The following PDLIM5 variants were observed in gnomAD, a reference collection of about 807,000 sequenced individuals.
PDLIM5 encodes the protein PDZ and LIM domain protein 5.
In PDLIM5, 34 loss-of-function variants were observed where a neutral mutation model predicts 64.2. The ratio of observed to expected loss-of-function variants is 0.53; its 90% CI spans 0.40 to 0.71. PDLIM5 has a LOEUF of 0.71. Ranked by LOEUF, PDLIM5 falls within the 30% of genes least tolerant of loss-of-function variation. The pLI, the probability that PDLIM5 is intolerant of heterozygous loss-of-function variation, is 0.00. For synonymous variants in PDLIM5, 253 were observed against 269.1 expected (o/e 0.94, Z 0.59); for missense variants, 683 against 733.6 (o/e 0.93, Z 0.80).
At chr4:94,587,097 C>T (rs1016784311) in intron 7 of PDLIM5, 1 of 1,598,866 alleles carries the variant, frequency 6.3e-7, no homozygotes, top group African/African-American at 1.4e-5. Context: ...TGAGCCTTGC[C>T]CCCCAAGCAG....
intron 7 of PDLIM5, among the ~76,000 whole-genome samples, chr4:94,602,961 A>G (rs1357959831): frequency 6.6e-6 from 1 of 152,202 alleles, no homozygotes; most frequent in Non-Finnish European, 1.5e-5. Flanking sequence ...ATTATTAACA[A>G]ATGATTTACA....
intron 2 of PDLIM5, among the ~76,000 whole-genome samples, chr4:94,469,640 C>T (rs950983937): frequency 1.3e-5 from 2 of 152,070 alleles, no homozygotes; most frequent in African/African-American, 2.4e-5. Flanking sequence ...AGGACAACTC[C>T]TGGGGATTTT....
At chr4:94,542,044 G>A (rs924438915) in intron 3 of PDLIM5, among the ~76,000 whole-genome samples, 2 of 152,178 alleles carry the variant, frequency 1.3e-5, no homozygotes, top group Non-Finnish European at 2.9e-5. Context: ...GGGCATGGTG[G>A]CTCATGCGTG....
chr4:94,567,142 G>A (rs1005899850), intron 3 of PDLIM5, among the ~76,000 whole-genome samples: 11 of 152,048 alleles, frequency 7.2e-5, no homozygotes, highest in Non-Finnish European at 1.5e-4. Context: ...ACAGGCGCCC[G>A]CCACCACACC....
chr4:94,616,666 GT>G (rs1314831024), intron 7 of PDLIM5, among the ~76,000 whole-genome samples: 1 of 152,166 alleles, frequency 6.6e-6, no homozygotes, highest in Non-Finnish European at 1.5e-5. Flanking sequence ...AGTGCTTAAA[GT>G]TTTTTATTGT....
At chr4:94,582,723 T>TGGCACTGTGTAAGTAC (rs1369256650) in intron 5 of PDLIM5, 1 of 1,578,694 alleles carries the variant, frequency 6.3e-7, no homozygotes, top group Non-Finnish European at 8.7e-7. Context: ...TCAGTAACCC[T>TGGCACTGTGTAAGTAC]GGCACTGTGT....
intron 7 of PDLIM5, chr4:94,588,174 A>G (rs1736393306): frequency 1.0e-6 from 1 of 965,190 alleles, no homozygotes; most frequent in Non-Finnish European, 1.2e-6. Context: ...AGTGCCATCC[A>G]GGACTTATTA....
chr4:94,621,287 A>G (rs1222859409), intron 8 of PDLIM5, among the ~76,000 whole-genome samples: 1 of 152,192 alleles, frequency 6.6e-6, no homozygotes, highest in Non-Finnish European at 1.5e-5. Flanking sequence ...TTTCTGGACT[A>G]TTAACTGACT....
At chr4:94,528,823 C>T (rs1320141607) in intron 3 of PDLIM5, among the ~76,000 whole-genome samples, 2 of 152,162 alleles carry the variant, frequency 1.3e-5, no homozygotes, top group African/African-American at 4.8e-5. Context: ...TGAGGGAGCA[C>T]CTTCTCACTT....
At chr4:94,452,641 A>G (rs1722959469) in intron 1 of PDLIM5, among the ~76,000 whole-genome samples, 1 of 152,190 alleles carries the variant, frequency 6.6e-6, no homozygotes, top group African/African-American at 2.4e-5. Context: ...GGCTTTTGTA[A>G]GACTGTGCCT....
chr4:94,520,368 T>G (rs980910423), intron 2 of PDLIM5, among the ~76,000 whole-genome samples: 2 of 152,236 alleles, frequency 1.3e-5, no homozygotes, highest in African/African-American at 2.4e-5. Flanking sequence ...TACACACTTA[T>G]GGCTGCCGTG....
intron 2 of PDLIM5, among the ~76,000 whole-genome samples, chr4:94,521,036 T>G (rs1056087096): frequency 4.6e-5 from 7 of 152,184 alleles, no homozygotes; most frequent in African/African-American, 1.7e-4. Flanking sequence ...ACCTACAATA[T>G]TCAAGGCTCT....
intron 2 of PDLIM5, among the ~76,000 whole-genome samples, chr4:94,499,398 A>T (rs1391470698): frequency 6.6e-6 from 1 of 152,198 alleles, no homozygotes; most frequent in Non-Finnish European, 1.5e-5. Flanking sequence ...CAACAAACAC[A>T]TAGGTGAAAA....
In PDLIM5 at chr4:94,545,035, C is replaced by T. The variant is rs1376076090; in HGVS notation, c.248+21160C>T. ...TCAGAGTTCAAACCTGACTTCATCA[C>T]TTACTGGCTATGAGGAAGTTACTTC... On this transcript the variant is annotated intron_variant, in intron 3 of 12. Coordinates refer to ENST00000317968, the MANE Select transcript of PDLIM5 (RefSeq NM_006457.5). 9.8e-5 allele frequency among the ~76,000 whole-genome samples: 15 copies of T among 152,286 alleles called. No individual in the cohort carries two copies. The East Asian group carries it at 2.9e-3, about 29-fold the overall frequency.
chr4:94,498,712 G>A (rs936556520), intron 2 of PDLIM5, among the ~76,000 whole-genome samples: 8 of 152,188 alleles, frequency 5.3e-5, no homozygotes, highest in Admixed American at 2.0e-4. Context: ...GATGAGGAGG[G>A]GAAACTGATG....
intron 2 of PDLIM5, among the ~76,000 whole-genome samples, chr4:94,467,100 T>G (rs1400566857): frequency 6.6e-6 from 1 of 152,196 alleles, no homozygotes; most frequent in African/African-American, 2.4e-5. Flanking sequence ...AATGAATAGT[T>G]CATGTATTTT....
intron 8 of PDLIM5, among the ~76,000 whole-genome samples, chr4:94,634,469 G>GT (rs1269365648): frequency 6.6e-6 from 1 of 152,162 alleles, no homozygotes; most frequent in Non-Finnish European, 1.5e-5. Context: ...ATCTGTTACT[G>GT]TTTAAGTTTG....
intron 2 of PDLIM5, among the ~76,000 whole-genome samples, chr4:94,510,015 C>A (rs1173222428): frequency 2.6e-5 from 4 of 152,184 alleles, no homozygotes; most frequent in African/African-American, 9.7e-5. Context: ...TTTAATAGTT[C>A]ATTCTTACAG....
intron 9 of PDLIM5, among the ~76,000 whole-genome samples, chr4:94,644,246 C>T (rs1262982950): frequency 6.6e-6 from 1 of 152,098 alleles, no homozygotes; most frequent in African/African-American, 2.4e-5. Context: ...AAAATTGAGG[C>T]ATAGAGAAGT....
Sources: allele counts gnomAD v4.1 joint callset (sites outside exome capture counted in the v4.1 genomes callset), GRCh38; gene constraint gnomAD v4.1.1; transcripts MANE v1.5; gene names NCBI Gene and HGNC (gene_info 2026-07-23, HGNC 2026-07-21).